Variants in LCA5L observed in about 807,000 individuals in gnomAD.
The protein encoded by LCA5L is lebercilin LCA5 like.
In LCA5L, 35 loss-of-function variants were observed where a neutral mutation model predicts 45.4. That is an observed-to-expected ratio of 0.77 (90% CI 0.59 to 1.02). The LOEUF is 1.02. Among genes scored for constraint, LCA5L ranks in the 50% least tolerant of loss-of-function variants. The pLI is 0.00. For missense variants in LCA5L, 668 were observed against 761.6 expected, an observed-to-expected ratio of 0.88 and a Z score of 1.45; for synonymous variants, 233 against 264.7, an observed-to-expected ratio of 0.88 and a Z score of 1.16.
rs1569068449 is a variant in LCA5L at position 39,411,329 on chromosome 21, A to C, written c.1060+389T>G. 2.0e-5 allele frequency among the ~76,000 whole-genome samples: 3 copies of C among 152,244 alleles called. No individual in the cohort carries two copies. In the East Asian group the frequency reaches 5.8e-4, roughly 29 times the overall value. On this transcript the variant is annotated intron_variant, in intron 8 of 10. Transcript: ENST00000288350. The stretch of plus-strand genomic sequence containing the variant: ...TATAAACATCTGTCAAAACCCACTG[A>C]GCTGCGTGCACACTTAAAATGGATG...
chr21:39,422,267 T>C (rs1157383299), intron 6 of LCA5L: 1 of 152,392 alleles, frequency 6.6e-6, no homozygotes, highest in East Asian at 1.9e-4. Flanking sequence ...TTTATGTTTA[T>C]GTCTATACAG....
intron 7 of LCA5L, among the ~76,000 whole-genome samples, chr21:39,418,057 C>CCT (rs1569086199): frequency 6.6e-6 from 1 of 151,948 alleles, no homozygotes. Context: ...TGAGCCACCG[C>CCT]GCCCAGCGGG....
At chr21:39,420,422 T>C (rs1200010676) in intron 7 of LCA5L, among the ~76,000 whole-genome samples, 4 of 135,934 alleles carry the variant, frequency 2.9e-5, no homozygotes, top group African/African-American at 1.1e-4. Context: ...ACTCAGGAGG[T>C]TGAGATAAGA....
chr21:39,420,767 G>C lies in LCA5L; in HGVS notation c.914C>G (p.Ala305Gly). 1 of 1,613,570 alleles carries C rather than the reference G, an allele frequency of 6.2e-7. No homozygotes were observed. Among genetic ancestry groups the C allele is most frequent in the South Asian group, 1.1e-5 (1 of 91,066 alleles). ...CAGAGTCTTGGTAGCTGTCTGAGCT[G>C]CTAAAGTCTTCCGAGTCTCAATAGC... ...QLAIETRKTLAAQTATKTLQV... is the reference protein window; with the variant it reads ...QLAIETRKTLGAQTATKTLQV... Residue 305 changes from alanine (A) to glycine (G), a missense_variant, in exon 7 of 11, where the codon GCA becomes GGA. Transcript: ENST00000288350.
chr21:39,424,572 A>T (rs1344832136), intron 5 of LCA5L, among the ~76,000 whole-genome samples: 2 of 152,252 alleles, frequency 1.3e-5, no homozygotes, highest in Non-Finnish European at 2.9e-5. Flanking sequence ...TCTGTAGATT[A>T]TCTGATGTAA....
Position 39,406,468 on chromosome 21 carries a change from A to G in LCA5L, c.1427T>C (p.Ile476Thr), listed in dbSNP as rs2039081757. The change falls in exon 11 of 11, where the codon ATT becomes ACT. Residue 476 changes from isoleucine to threonine, a missense_variant. Ile to Thr is a moderately conservative substitution (Grantham distance 89). Coordinates refer to ENST00000288350, the MANE Select transcript of LCA5L (RefSeq NM_152505.4). Reference protein sequence around the residue: ...QELPPKIIEVIHPERESNQED... With the variant: ...QELPPKIIEVTHPERESNQED... The stretch of plus-strand genomic sequence containing the variant: ...TTGATTGCTTTCTCTTTCAGGATGA[A>G]TAACTTCAATTATTTTTGGTGGTAG... The G allele has an allele frequency of 2.5e-6, 4 of 1,613,988 alleles. No individual in the cohort carries two copies. In the East Asian group the frequency reaches 6.7e-5, roughly 27 times the overall value.
intron 2 of LCA5L, among the ~76,000 whole-genome samples, chr21:39,438,236 G>C (rs1181825886): frequency 6.6e-6 from 1 of 152,128 alleles, no homozygotes; most frequent in Non-Finnish European, 1.5e-5. Flanking sequence ...CTAAGATAAA[G>C]GTAGAGAAAG....
intron 2 of LCA5L, among the ~76,000 whole-genome samples, chr21:39,441,356 T>C (rs984674099): frequency 1.3e-5 from 2 of 152,226 alleles, no homozygotes; most frequent in African/African-American, 4.8e-5. Context: ...GGCAGTATAC[T>C]GTGGAAGAAA....
In LCA5L at chr21:39,411,810, G is replaced by T. The variant is rs1239359575; in HGVS notation, c.976-8C>A. On this transcript the variant is annotated splice_polypyrimidine_tract_variant and splice_region_variant and intron_variant, in intron 7 of 10. Coordinates refer to ENST00000288350, the MANE Select transcript of LCA5L (RefSeq NM_152505.4). Reference sequence around the variant, plus strand: ...AAGCTCACGATCCTTTTCCTAAAAAGAACCACAAAACCAATTTTTCTATAA... The same window carrying T: ...AAGCTCACGATCCTTTTCCTAAAAATAACCACAAAACCAATTTTTCTATAA... The T allele has an allele frequency of 1.3e-6, 2 of 1,551,770 alleles. No homozygotes were observed. The highest frequency in any genetic ancestry group is 1.8e-6 in the Non-Finnish European group (2 of 1,140,288).
Position 39,406,247 on chromosome 21 carries a change from T to TCATGTTGC in LCA5L, c.1640_1647dup (p.Arg550AlafsTer3). 1.2e-6 allele frequency: 2 copies of TCATGTTGC among 1,614,264 alleles called. No individual in the cohort carries two copies. ...TGCTTGCCTGTACTATGACTGTACC[T>TCATGTTGC]CATGTTGCCGGCATTGGCTGGCCCC... On this transcript the variant is annotated frameshift_variant, in exon 11 of 11. Transcript: ENST00000288350. LOFTEE classifies it low-confidence loss of function (END_TRUNC).
At chr21:39,416,252 C>T (rs1384706429) in intron 7 of LCA5L, among the ~76,000 whole-genome samples, 4 of 152,188 alleles carry the variant, frequency 2.6e-5, no homozygotes, top group Admixed American at 1.3e-4. Flanking sequence ...ACAAGTGACT[C>T]ATCGCTGAGG....
chr21:39,415,184 GC>G (rs2040916644), intron 7 of LCA5L, among the ~76,000 whole-genome samples: 1 of 152,150 alleles, frequency 6.6e-6, no homozygotes, highest in Admixed American at 6.5e-5. Flanking sequence ...AAGCCACCAT[GC>G]CTGGCTTGGA....
Position 39,405,756 on chromosome 21 carries a change from G to C in LCA5L, c.*126C>G, listed in dbSNP as rs1181915897. 4.7e-6 allele frequency: 3 copies of C among 633,338 alleles called. No individual in the cohort carries two copies. In the African/African-American group the frequency reaches 5.6e-5, roughly 12 times the overall value. 39.2% of individuals were successfully genotyped at this position (633,338 alleles called of 1,614,324 possible). On this transcript the variant is annotated 3_prime_UTR_variant, in exon 11 of 11. Coordinates refer to ENST00000288350, the MANE Select transcript of LCA5L (RefSeq NM_152505.4). ...GCAATCAAACAAAAATTTAATTATCGAAAGTCAATTAAGTACTAAAACACA... is the reference window on the plus strand; with the variant it reads ...GCAATCAAACAAAAATTTAATTATCCAAAGTCAATTAAGTACTAAAACACA...
At chr21:39,413,143 G>A (rs1409147898) in intron 7 of LCA5L, among the ~76,000 whole-genome samples, 1 of 152,172 alleles carries the variant, frequency 6.6e-6, no homozygotes, top group African/African-American at 2.4e-5. Flanking sequence ...ACAGGGTCCT[G>A]GGAATTTGAT....
At chr21:39,440,075 A>ATATGTATGTGTATATG (rs1569130427) in intron 2 of LCA5L, among the ~76,000 whole-genome samples, 1 of 152,018 alleles carries the variant, frequency 6.6e-6, no homozygotes, top group East Asian at 1.9e-4. Flanking sequence ...ATGTGTATAT[A>ATATGTATGTGTATATG]CATATGTATG....
At position 39,414,742 on chromosome 21, in the gene LCA5L, C is replaced by CTCTGTG. The variant is rs1341489035; in HGVS notation, c.976-2941_976-2940insCACAGA. Among the ~76,000 whole-genome samples the CTCTGTG allele has an allele frequency of 2.7e-3, 266 of 99,226 alleles. 2 individuals carry two copies. The highest frequency in any genetic ancestry group is 9.8e-3 in the African/African-American group (222 of 22,728). The allele number at this position is 99,226 out of a possible 152,430, so 65.1% of individuals were successfully genotyped here. A position where few individuals can be genotyped will look rare whatever the true frequency, so the allele number is the denominator to read the frequency against. ...TCTCTCTCTCTCTCTCTCTCTCTCT[C>CTCTGTG]TGTGTGTGTGTGTGTGTGTGTGTGT... On this transcript the variant is annotated intron_variant, in intron 7 of 10. Transcript: ENST00000288350.
intron 2 of LCA5L, among the ~76,000 whole-genome samples, chr21:39,440,249 A>G (rs561026549): frequency 1.2e-4 from 18 of 152,292 alleles, no homozygotes; most frequent in African/African-American, 4.1e-4. Context: ...AGCCTGAGGC[A>G]GGCAAAGAGA....
chr21:39,440,540 A>C (rs935775017), intron 2 of LCA5L, among the ~76,000 whole-genome samples: 6 of 152,212 alleles, frequency 3.9e-5, no homozygotes, highest in East Asian at 1.9e-4. Context: ...TGTCTCAAAA[A>C]AAAACAAAAC....
chr21:39,414,315 A>C (rs2040646059), intron 7 of LCA5L: 1 of 152,198 alleles, frequency 6.6e-6, no homozygotes, highest in Admixed American at 6.5e-5. Flanking sequence ...CCTGGGTGTA[A>C]GACGGGTGGC....
Sources: allele counts gnomAD v4.1 joint callset (sites outside exome capture counted in the v4.1 genomes callset), GRCh38; gene constraint gnomAD v4.1.1; transcripts MANE v1.5; gene names NCBI Gene and HGNC (gene_info 2026-07-23, HGNC 2026-07-21).